BPTF: variants seen among roughly 807,000 people sequenced by gnomAD.
BPTF encodes the protein nucleosome-remodeling factor subunit BPTF.
A neutral mutation model predicts 292.5 loss-of-function variants in BPTF; 18 were observed. That is an observed-to-expected ratio of 0.06 (90% CI 0.04 to 0.09). The LOEUF is 0.09. Among genes scored for constraint, BPTF ranks in the 10% least tolerant of loss-of-function variants. BPTF has a pLI of 1.00. For missense variants in BPTF, 2,726 were observed against 3,498.7 expected (o/e 0.78, Z 5.57); for synonymous variants, 1,225 against 1,251.9 (o/e 0.98, Z 0.45).
intron 17 of BPTF, 65 bp from the exon 18 acceptor site, chr17:67,931,846 C>T (rs961922132): frequency 5.0e-6 from 6 of 1,206,792 alleles, no homozygotes; most frequent in Non-Finnish European, 7.1e-6. Context: ...ATCTTGTGTT[C>T]TAAGTCCATT....
intron 3 of BPTF, among the ~76,000 whole-genome samples, chr17:67,873,147 G>A (rs915867481): frequency 7.2e-5 from 11 of 152,032 alleles, no homozygotes; most frequent in African/African-American, 2.2e-4. Context: ...GGAGTACTGT[G>A]GATATACATG....
At chr17:67,828,093 G>A (rs550200369) in intron 1 of BPTF, among the ~76,000 whole-genome samples, 10 of 151,772 alleles carry the variant, frequency 6.6e-5, no homozygotes, top group South Asian at 6.3e-4. Context: ...CAGCACACCC[G>A]GCTAATTTTT....
chr17:67,977,439 C>T (rs535686711), intron 27 of BPTF, among the ~76,000 whole-genome samples: 6 of 151,508 alleles, frequency 4.0e-5, no homozygotes, highest in South Asian at 2.1e-4. Flanking sequence ...CGCTTGAACC[C>T]GGGAGGCACA....
intron 13 of BPTF, 43 bp from the exon 14 acceptor site, chr17:67,922,797 T>C (rs1403167364): frequency 6.4e-7 from 1 of 1,558,454 alleles, no homozygotes; most frequent in Admixed American, 2.2e-5. Context: ...ACTTTAATTT[T>C]AGAAGCAATA....
intron 25 of BPTF, chr17:67,964,986 G>A (rs2067923685): frequency 1.0e-5 from 1 of 96,754 alleles, no homozygotes; most frequent in African/African-American, 4.1e-5. Context: ...GCGAGAGTGT[G>A]AGACTCCATC....
At chr17:67,957,076 A>C (rs1555681448) in intron 23 of BPTF, 1 of 152,254 alleles carries the variant, frequency 6.6e-6, no homozygotes, top group Non-Finnish European at 1.5e-5. Flanking sequence ...TGAGGTCCGG[A>C]GTTCGAGACC....
At chr17:67,954,254 C>T (rs1338839052) in intron 23 of BPTF, among the ~76,000 whole-genome samples, 1 of 151,442 alleles carries the variant, frequency 6.6e-6, no homozygotes, top group African/African-American at 2.4e-5. Context: ...GTCTCAGAAT[C>T]CTGGGCTCAA....
At chr17:67,839,560 AT>A (rs1423811206) in intron 1 of BPTF, among the ~76,000 whole-genome samples, 2 of 152,230 alleles carry the variant, frequency 1.3e-5, no homozygotes, top group Admixed American at 1.3e-4. Context: ...AGGTATTTTA[AT>A]TTTTAAATAG....
intron 4 of BPTF, among the ~76,000 whole-genome samples, chr17:67,885,320 C>T (rs895370823): frequency 6.6e-6 from 1 of 152,192 alleles, no homozygotes; most frequent in African/African-American, 2.4e-5. Context: ...CAGTGGCTCA[C>T]GCCTGTAATC....
rs1555628921 is a variant in BPTF, at chr17:67,875,001, T to C, written c.1845T>C (p.Pro615=). 6.2e-7 allele frequency: 1 copy of C among 1,608,614 alleles called. No homozygotes were observed. The highest frequency in any genetic ancestry group is 8.5e-7 in the Non-Finnish European group (1 of 1,178,596). Residue 615 remains proline (P), a synonymous_variant, in exon 4 of 28, where the codon CCT becomes CCC. Transcript: ENST00000306378. The stretch of plus-strand genomic sequence containing the variant: ...ACGACAAAACACCAGATGATGACCC[T>C]GAGCAAGGAAAATCTGAGGGTAAAA... ...DSDDKTPDDD[P]EQGKSEVGDF...
chr17:67,848,168 ATTCTTTTT>A (rs1444191753), intron 1 of BPTF, among the ~76,000 whole-genome samples: 2 of 129,962 alleles, frequency 1.5e-5, no homozygotes, highest in Non-Finnish European at 3.1e-5. Flanking sequence ...AACACTGTAA[ATTCTTTTT>A]TTTTTTTGAA....
intron 7 of BPTF, among the ~76,000 whole-genome samples, chr17:67,895,380 A>T (rs546890235): frequency 6.6e-6 from 1 of 151,268 alleles, no homozygotes; most frequent in Non-Finnish European, 1.5e-5. Flanking sequence ...TGTTTTTGAG[A>T]AAAGTACATT....
chr17:67,864,360 C>A (rs1183946923), intron 2 of BPTF, among the ~76,000 whole-genome samples: 1 of 151,816 alleles, frequency 6.6e-6, no homozygotes, highest in Admixed American at 6.6e-5. Context: ...AACCCTGTCT[C>A]TACTAAAAAT....
intron 4 of BPTF, among the ~76,000 whole-genome samples, chr17:67,885,886 CAGTG>C (rs2060718324): frequency 6.6e-6 from 1 of 151,800 alleles, no homozygotes; most frequent in Middle Eastern, 3.4e-3. Flanking sequence ...TGATACGAGT[CAGTG>C]AGTTAGAGTT....
intron 4 of BPTF, chr17:67,875,651 G>T (rs1205422762): frequency 1.2e-6 from 2 of 1,608,644 alleles, no homozygotes; most frequent in Non-Finnish European, 8.5e-7. Context: ...TCCCTCTGAA[G>T]GGAGGAGCCC....
intron 3 of BPTF, among the ~76,000 whole-genome samples, chr17:67,871,179 A>G (rs906806708): frequency 2.6e-5 from 4 of 151,990 alleles, no homozygotes; most frequent in African/African-American, 9.7e-5. Flanking sequence ...TTTCTTCTCC[A>G]TTTTTCCTCA....
Position 67,875,605 on chromosome 17 carries a change from C to T in BPTF, c.1864+585C>T, listed in dbSNP as rs748882201. 26 of 1,590,734 alleles carry T rather than the reference C, an allele frequency of 1.6e-5. No homozygotes were observed. In the Middle Eastern group the frequency reaches 1.3e-3, roughly 81 times the overall value. On this transcript the variant is annotated intron_variant, in intron 4 of 27. Transcript: ENST00000306378. ...GTAACTCTGTGTCAGCAAATCTTGG[C>T]GACAACACAACAAATGCAACTTCAG... is the stretch of plus-strand genomic sequence containing the variant.
intron 26 of BPTF, among the ~76,000 whole-genome samples, chr17:67,971,623 G>A (rs1188458116): frequency 1.3e-5 from 2 of 151,960 alleles, no homozygotes; most frequent in Non-Finnish European, 2.9e-5. Context: ...GGCCAACATG[G>A]CGAAACCCCG....
At chr17:67,903,671 G>A (rs1030240713) in intron 7 of BPTF, 118 bp from the exon 8 acceptor site, 1 of 900,476 alleles carries the variant, frequency 1.1e-6, no homozygotes, top group Non-Finnish European at 1.6e-6. Context: ...AGTTGGGGTT[G>A]TCTGGTTTGT....
Sources: allele counts gnomAD v4.1 joint callset (sites outside exome capture counted in the v4.1 genomes callset), GRCh38; gene constraint gnomAD v4.1.1; transcripts MANE v1.5; gene names NCBI Gene and HGNC (gene_info 2026-07-23, HGNC 2026-07-21).